SRGAP2B: variants seen among roughly 807,000 people sequenced by gnomAD.
The protein encoded by SRGAP2B is SLIT-ROBO Rho GTPase activating protein 2B.
SRGAP2B carries 9 observed loss-of-function variants against 22.2 expected under a neutral mutation model. The ratio of observed to expected loss-of-function variants is 0.41; its 90% CI spans 0.24 to 0.71. The LOEUF (loss-of-function observed/expected upper bound fraction) is 0.71, where lower values mean the gene tolerates loss of function less well. Ranked by LOEUF, SRGAP2B falls within the 30% of genes least tolerant of loss-of-function variation. The probability of loss-of-function intolerance (pLI) is 0.35; values close to 1 mark genes in which losing one functional copy is unlikely to be tolerated. For synonymous variants in SRGAP2B, 36 were observed against 87.4 expected (o/e 0.41, Z 3.28); for missense variants, 114 against 235.8 (o/e 0.48, Z 3.38).
chr1:144,991,142 A>G (rs1480668131), intron 3 of SRGAP2B, among the ~76,000 whole-genome samples: 1 of 151,124 alleles, frequency 6.6e-6, no homozygotes, highest in African/African-American at 2.5e-5. Context: ...GAAAGTCTTT[A>G]TATGTAGCTC....
intron 2 of SRGAP2B, among the ~76,000 whole-genome samples, chr1:145,006,634 A>G (rs587624350): frequency 6.6e-6 from 1 of 150,628 alleles, no homozygotes; most frequent in Non-Finnish European, 1.5e-5. Context: ...TTTTTCAACA[A>G]CTCAATATAC....
At chr1:145,094,216 G>T (rs1331275385) in intron 1 of SRGAP2B, among the ~76,000 whole-genome samples, 1 of 45,772 alleles carries the variant, frequency 2.2e-5, no homozygotes. Flanking sequence ...GATGGGAGGA[G>T]GTCGGTGAGG....
Position 144,973,210 on chromosome 1 carries a change from G to A in SRGAP2B, c.261-17609C>T, listed in dbSNP as rs587747916. ...GAAAGTATTGTTCTCAGCTATTTAT[G>A]TGTATATAAGTATATTCCAGCTTGT... On this transcript the variant is annotated intron_variant, in intron 3 of 9. Transcript: ENST00000612199. Among the ~76,000 whole-genome samples the A allele has an allele frequency of 1.1e-4, 16 of 149,284 alleles. No individual in the cohort carries two copies. The South Asian group carries it at 3.3e-3, about 31-fold the overall frequency.
Position 145,076,393 on chromosome 1 carries a change from T to C in SRGAP2B, c.67+16442A>G, listed in dbSNP as rs1652508185. On this transcript the variant is annotated intron_variant, in intron 2 of 9. Transcript: ENST00000612199. ...ATAATGAATGTTCAGAGCAGCTTCA[T>C]TCATAACAGCCTAAAATAGGAAACA... Among the ~76,000 whole-genome samples the C allele has an allele frequency of 2.0e-5, 3 of 150,034 alleles. 1 individual carries two copies. The highest frequency in any genetic ancestry group is 2.0e-4 in the Admixed American group (3 of 15,078).
intron 3 of SRGAP2B, among the ~76,000 whole-genome samples, chr1:144,993,305 T>C (rs1553617792): frequency 6.6e-6 from 1 of 151,088 alleles, no homozygotes; most frequent in East Asian, 1.9e-4. Flanking sequence ...TCACATGCTA[T>C]GTTGTGGGAT....
At chr1:144,984,358 AC>A (rs377619324) in intron 3 of SRGAP2B, among the ~76,000 whole-genome samples, 353 of 132,224 alleles carry the variant, frequency 2.7e-3, no homozygotes, top group Middle Eastern at 0.012. Context: ...AACAACAACA[AC>A]AACAACAAAA....
chr1:145,069,125 A>C (rs868977048), intron 2 of SRGAP2B, among the ~76,000 whole-genome samples: 2 of 145,412 alleles, frequency 1.4e-5, no homozygotes, highest in African/African-American at 2.6e-5. Context: ...TGAGTCTCTA[A>C]AAGAAGCTAT....
exon 4 of SRGAP2B, chr1:144,955,487 AATG>A (rs1667189211): frequency 7.7e-7 from 1 of 1,294,732 alleles, no homozygotes; most frequent in Non-Finnish European, 1.1e-6. Context: ...CAAATCGAGG[AATG>A]ATATTATTCA....
intron 2 of SRGAP2B, among the ~76,000 whole-genome samples, chr1:145,084,324 C>T (rs1222883382): frequency 6.9e-6 from 1 of 145,048 alleles, no homozygotes; most frequent in African/African-American, 2.6e-5. Context: ...CCACTGCCCC[C>T]AGCAGAAGGA....
At chr1:144,957,236 T>A (rs1306225527) in intron 3 of SRGAP2B, among the ~76,000 whole-genome samples, 1 of 150,922 alleles carries the variant, frequency 6.6e-6, no homozygotes, top group Non-Finnish European at 1.5e-5. Flanking sequence ...ACTGCCTCCA[T>A]TCAGCACTAA....
At position 144,912,349 on chromosome 1, in the gene SRGAP2B, A is replaced by C. The variant is rs1161897711; in HGVS notation, c.486+2343T>G. On this transcript the variant is annotated intron_variant, in intron 5 of 9. Transcript: ENST00000612199. The stretch of plus-strand genomic sequence containing the variant: ...TCACCCAACTACTCCACCCCCTAGG[A>C]TATAGAAATACCAGTGCATGGAGTG... 8.7e-5 allele frequency among the ~76,000 whole-genome samples: 13 copies of C among 150,034 alleles called. 2 individuals are homozygous for C. Among genetic ancestry groups the C allele is most frequent in the Admixed American group, 8.6e-4 (13 of 15,128 alleles).
At chr1:144,966,801 C>G (rs1311290232) in intron 3 of SRGAP2B, among the ~76,000 whole-genome samples, 4 of 148,750 alleles carry the variant, frequency 2.7e-5, no homozygotes, top group Non-Finnish European at 2.9e-5. Flanking sequence ...GGAAGATCTA[C>G]CAAGCAAATG....
At position 145,017,203 on chromosome 1, in the gene SRGAP2B, T is replaced by C. The variant is rs587674360; in HGVS notation, c.68-22003A>G. 1.8e-3 allele frequency among the ~76,000 whole-genome samples: 264 copies of C among 147,700 alleles called. 9 individuals are homozygous for C. The highest frequency in any genetic ancestry group is 6.5e-3 in the African/African-American group (252 of 38,574). Reference sequence around the variant, plus strand: ...ACTCAGCCTCCCAAAGTGCTGAGATTACAGGCATGAGCCACCGCACCCAGT... The same window carrying C: ...ACTCAGCCTCCCAAAGTGCTGAGATCACAGGCATGAGCCACCGCACCCAGT... On this transcript the variant is annotated intron_variant, in intron 2 of 9. Transcript: ENST00000612199.
chr1:144,905,741 A>G (rs1662941117), intron 6 of SRGAP2B, 118 bp downstream of exon 6: 1 of 705,988 alleles, frequency 1.4e-6, no homozygotes, highest in African/African-American at 1.9e-5. Flanking sequence ...GTCATTAGGC[A>G]CTAAAAGAAC....
intron 4 of SRGAP2B, among the ~76,000 whole-genome samples, chr1:144,948,840 A>G (rs1442574567): frequency 6.2e-5 from 4 of 64,972 alleles, no homozygotes; most frequent in Non-Finnish European, 1.1e-4. Context: ...TCCTTAAATT[A>G]GTCATATCTG....
intron 4 of SRGAP2B, among the ~76,000 whole-genome samples, chr1:144,948,918 T>TC (rs1666663137): frequency 7.6e-6 from 1 of 131,562 alleles, no homozygotes; most frequent in African/African-American, 3.1e-5. Flanking sequence ...TCTTTTTTTT[T>TC]TTTTTTTTTT....
At chr1:144,966,044 G>T (rs1358977071) in intron 3 of SRGAP2B, among the ~76,000 whole-genome samples, 1 of 150,468 alleles carries the variant, frequency 6.6e-6, no homozygotes, top group Non-Finnish European at 1.5e-5. Context: ...GGCGGAGAAT[G>T]GAACCAAGTT....
At chr1:145,061,697 C>T (rs1477640588) in intron 2 of SRGAP2B, among the ~76,000 whole-genome samples, 12 of 149,714 alleles carry the variant, frequency 8.0e-5, no homozygotes, top group Non-Finnish European at 1.3e-4. Context: ...AAGAGATTCT[C>T]GTGCCTCAGC....
intron 4 of SRGAP2B, among the ~76,000 whole-genome samples, chr1:144,943,453 T>C (rs1478959878): frequency 2.6e-5 from 4 of 151,754 alleles, no homozygotes; most frequent in African/African-American, 9.8e-5. Flanking sequence ...TTTTGCTTTC[T>C]GTATTTTTAA....
Sources: allele counts gnomAD v4.1 joint callset (sites outside exome capture counted in the v4.1 genomes callset), GRCh38; gene constraint gnomAD v4.1.1; transcripts MANE v1.5; gene names NCBI Gene and HGNC (gene_info 2026-07-23, HGNC 2026-07-21).